ARSG: variants seen among roughly 807,000 people sequenced by gnomAD.
ARSG encodes ASG.
A neutral mutation model predicts 50.5 loss-of-function variants in ARSG; 37 were observed. The observed-to-expected ratio is 0.73, with a 90% confidence interval of 0.56 to 0.96. ARSG has a LOEUF of 0.96. Ranked by LOEUF, ARSG falls within the 50% of genes least tolerant of loss-of-function variation. ARSG has a pLI of 0.00. For missense variants in ARSG, 629 were observed against 675.3 expected (o/e 0.93, Z 0.76); for synonymous variants, 225 against 254.6 (o/e 0.88, Z 1.11).
intron 11 of ARSG, among the ~76,000 whole-genome samples, chr17:68,416,311 T>C (rs1013958907): frequency 6.6e-6 from 1 of 152,214 alleles, no homozygotes; most frequent in African/African-American, 2.4e-5. Context: ...TCTTGGCTGA[T>C]AATTGTTTTG....
chr17:68,274,068 G>A, intron 1 of ARSG: 1 of 1,612,016 alleles, frequency 6.2e-7, no homozygotes, highest in Non-Finnish European at 8.5e-7. Flanking sequence ...GTGGCGAGGG[G>A]AGCTGCCGGG....
At chr17:68,296,396 T>TA (rs1439486495) in intron 1 of ARSG, among the ~76,000 whole-genome samples, 1 of 152,232 alleles carries the variant, frequency 6.6e-6, no homozygotes, top group African/African-American at 2.4e-5. Context: ...GTCCTGTGTT[T>TA]CTAGATTCCC....
intron 11 of ARSG, among the ~76,000 whole-genome samples, chr17:68,415,424 C>A (rs966042965): frequency 6.6e-6 from 1 of 152,068 alleles, no homozygotes; most frequent in African/African-American, 2.4e-5. Flanking sequence ...TATTGAGGCT[C>A]ATTTTGTGGC....
rs776848995 is a variant in ARSG, at chr17:68,420,483, C to G, written c.*20C>G. ...GCATAACAGACCAATTTTTATTCCA[C>G]GAGGAGGAGTACCTGGAAATTAGGC... On this transcript the variant is annotated 3_prime_UTR_variant, in exon 12 of 12. Coordinates refer to ENST00000621439, the MANE Select transcript of ARSG (RefSeq NM_001267727.2). 2.5e-6 allele frequency: 4 copies of G among 1,600,714 alleles called. No individual in the cohort carries two copies. In the South Asian group the frequency reaches 3.3e-5, roughly 13 times the overall value.
At chr17:68,320,931 T>C (rs1470230378) in intron 2 of ARSG, among the ~76,000 whole-genome samples, 4 of 152,096 alleles carry the variant, frequency 2.6e-5, no homozygotes, top group Non-Finnish European at 4.4e-5. Flanking sequence ...TGTGCATATA[T>C]ATATGAGACT....
chr17:68,440,367 T>A, the ARSG span, among the ~76,000 whole-genome samples: 1 of 152,240 alleles, frequency 6.6e-6, no homozygotes, highest in African/African-American at 2.4e-5. Flanking sequence ...CTATTGCCAT[T>A]CTGCCAGTCT....
intron 2 of ARSG, among the ~76,000 whole-genome samples, chr17:68,343,336 T>C (rs1215266835): frequency 6.6e-6 from 1 of 152,162 alleles, no homozygotes. Context: ...TTTATATTTT[T>C]AGTAGAGACG....
chr17:68,444,667 CAT>C, the ARSG span: 1 of 1,193,588 alleles, frequency 8.4e-7, no homozygotes. Flanking sequence ...ATTCATCTTT[CAT>C]ATGAGTCCTA....
the ARSG span, among the ~76,000 whole-genome samples, chr17:68,448,923 C>T: frequency 6.6e-6 from 1 of 152,314 alleles, no homozygotes; most frequent in Non-Finnish European, 1.5e-5. Flanking sequence ...CTTACTCCTG[C>T]TACTCCCTAC....
intron 3 of ARSG, 71 bp downstream of exon 3, chr17:68,343,862 C>A: frequency 2.1e-6 from 3 of 1,439,034 alleles, no homozygotes; most frequent in Non-Finnish European, 2.8e-6. Flanking sequence ...AAATTCCCAA[C>A]ATACTCCCTG....
downstream of ARSG, chr17:68,426,247 A>AGGGGGGGGGGGG: frequency 6.1e-6 from 4 of 655,814 alleles, 1 homozygote; most frequent in South Asian, 5.2e-5. Flanking sequence ...GCGGGTGGGG[A>AGGGGGGGGGGGG]GCGGGGGCTC....
At chr17:68,419,352 A>G (rs1429539604) in intron 11 of ARSG, among the ~76,000 whole-genome samples, 1 of 152,060 alleles carries the variant, frequency 6.6e-6, no homozygotes, top group Non-Finnish European at 1.5e-5. Context: ...TGAGGTTAGG[A>G]GTTCGAGACC....
chr17:68,447,667 A>C, the ARSG span, among the ~76,000 whole-genome samples: 1 of 152,114 alleles, frequency 6.6e-6, no homozygotes, highest in African/African-American at 2.4e-5. Flanking sequence ...CTGGGACCAC[A>C]CTTGGCCCTT....
At chr17:68,267,184 A>C (rs2075184751) in intron 1 of ARSG, 1 of 152,226 alleles carries the variant, frequency 6.6e-6, no homozygotes, top group African/African-American at 2.4e-5. Context: ...GTTTTCATGC[A>C]GATAACAGAA....
chr17:68,368,828 G>A (rs2079680312), intron 7 of ARSG, 84 bp downstream of exon 7: 8 of 1,451,262 alleles, frequency 5.5e-6, no homozygotes, highest in African/African-American at 2.9e-5. Flanking sequence ...GTCTGGCCCC[G>A]TGATCCCCTT....
chr17:68,298,558 G>A (rs2076290666), intron 1 of ARSG, among the ~76,000 whole-genome samples: 2 of 134,336 alleles, frequency 1.5e-5, no homozygotes, highest in African/African-American at 5.7e-5. Flanking sequence ...TTGCTCTACT[G>A]CCCTCCAGCC....
chr17:68,433,454 C>T, the ARSG span: 36 of 1,611,266 alleles, frequency 2.2e-5, no homozygotes, highest in African/African-American at 2.7e-5. Flanking sequence ...TTTGGTGCCC[C>T]GCGGAGTACT....
At position 68,343,670 on chromosome 17, in the gene ARSG, G is replaced by T. The variant is rs575033790; in HGVS notation, c.285G>T (p.Arg95=). The change falls in exon 3 of 12, where the codon CGG becomes CGT. Residue 95 remains arginine (R), a synonymous_variant. Transcript: ENST00000621439. ...SPSRASLLTG[R]LGLRNGVTRN... ...CCCGGGCTTCCTTGCTCACCGGCCG[G>T]CTTGGCCTTCGCAATGGAGTCACAC... The T allele has an allele frequency of 8.7e-6, 14 of 1,614,144 alleles. No individual in the cohort carries two copies. Among genetic ancestry groups the T allele is most frequent in the African/African-American group, 1.3e-5 (1 of 75,058 alleles).
At chr17:68,297,174 G>C (rs554397357) in intron 1 of ARSG, among the ~76,000 whole-genome samples, 33 of 152,330 alleles carry the variant, frequency 2.2e-4, no homozygotes, top group African/African-American at 7.5e-4. Flanking sequence ...AAATGTTTCT[G>C]ATATGGAAAT....
Sources: gnomAD v4.1 joint callset for allele counts (sites outside exome capture counted in the v4.1 genomes callset) on GRCh38, gnomAD v4.1.1 for gene constraint, MANE v1.5 for transcripts, NCBI Gene and HGNC (gene_info 2026-07-23, HGNC 2026-07-21) for gene names.